The following PPRC1 variants were observed in gnomAD, a reference collection of about 807,000 sequenced individuals.
PPRC1 encodes PPARG related coactivator 1, also known as peroxisome proliferator-activated receptor gamma coactivator-related protein 1.
PPRC1 carries 23 observed loss-of-function variants against 132.5 expected under a neutral mutation model. That is an observed-to-expected ratio of 0.17 (90% CI 0.12 to 0.25). PPRC1 has a LOEUF of 0.25. Among genes scored for constraint, PPRC1 ranks in the 10% least tolerant of loss-of-function variants. The pLI, the probability that PPRC1 is intolerant of heterozygous loss-of-function variation, is 1.00. For missense variants in PPRC1, 2,006 were observed against 2,089.1 expected, an observed-to-expected ratio of 0.96 and a Z score of 0.78; for synonymous variants, 872 against 833.5, an observed-to-expected ratio of 1.05 and a Z score of -0.80.
Position 102,141,926 on chromosome 10 carries a change from C to G in PPRC1, c.3418C>G (p.Leu1140Val). 1 of 1,614,178 alleles carries G rather than the reference C, an allele frequency of 6.2e-7. No homozygotes were observed. Among genetic ancestry groups the G allele is most frequent in the Non-Finnish European group, 8.5e-7 (1 of 1,180,016 alleles). ...PKLPAVHPAR[L>V]RKLSFLPTPR... Reference sequence around the variant, plus strand: ...GCTGCCTGCTGTCCACCCAGCCCGTCTAAGGAAGCTGTCCTTCCTGCCTAC... The same window carrying G: ...GCTGCCTGCTGTCCACCCAGCCCGTGTAAGGAAGCTGTCCTTCCTGCCTAC... The change falls in exon 5 of 14, where the codon CTA (leucine) becomes GTA (valine). Residue 1140 changes from leucine (L) to valine (V), a missense_variant. By Grantham distance (32) the Leu-to-Val change is conservative (BLOSUM62 1). This residue lies in a region of PPRC1 where 1,914 missense variants were observed against 1,917.2 expected (regional missense o/e 1.00). Transcript: ENST00000278070.
chr10:102,120,636 G>T, the PPRC1 span, among the ~76,000 whole-genome samples: 9 of 152,182 alleles, frequency 5.9e-5, no homozygotes, highest in African/African-American at 2.2e-4. Flanking sequence ...GGGGCTGGGA[G>T]CGCTCGGGGA....
chr10:102,132,299 T>A (rs926792182), upstream of PPRC1, among the ~76,000 whole-genome samples: 1 of 152,210 alleles, frequency 6.6e-6, no homozygotes, highest in East Asian at 1.9e-4. Flanking sequence ...AAGTGGCAAA[T>A]GAATGAAGAG....
chr10:102,141,094 G>A lies in PPRC1; in HGVS notation c.2586G>A (p.Val862=). ...MPLLARPSPP[V]QSVSPAVPTP... ...TGTTGGCGAGACCTTCCCCTCCTGT[G>A]CAGTCTGTGTCCCCTGCTGTGCCCA... is the stretch of plus-strand genomic sequence containing the variant. The change falls in exon 5 of 14, where the codon GTG becomes GTA. Residue 862 remains valine (V), a synonymous_variant. Transcript: ENST00000278070. 1 of 1,614,074 alleles carries A rather than the reference G, an allele frequency of 6.2e-7. No homozygotes were observed.
rs2068917094 is a variant in PPRC1 at position 102,140,514 on chromosome 10, C to G, written c.2006C>G (p.Ala669Gly). The G allele has an allele frequency of 6.2e-7, 1 of 1,614,044 alleles. No homozygotes were observed. Among genetic ancestry groups the G allele is most frequent in the African/African-American group, 1.3e-5 (1 of 74,902 alleles). ...VPSGPAPVDL[A>G]LVDPVPNDLT... Reference sequence around the variant, plus strand: ...TCTGGCCCAGCACCAGTTGATCTAGCACTGGTTGACCCTGTTCCTAATGAC... The same window carrying G: ...TCTGGCCCAGCACCAGTTGATCTAGGACTGGTTGACCCTGTTCCTAATGAC... Residue 669 changes from alanine to glycine, a missense_variant, in exon 5 of 14, where the codon GCA (alanine) becomes GGA (glycine). This residue lies in a region of PPRC1 where 1,914 missense variants were observed against 1,917.2 expected (regional missense o/e 1.00). Coordinates refer to ENST00000278070, the MANE Select transcript of PPRC1 (RefSeq NM_015062.5).
At chr10:102,131,175 C>T (rs2068535165), upstream of PPRC1, among the ~76,000 whole-genome samples, 1 of 139,150 alleles carries the variant, frequency 7.2e-6, no homozygotes, top group African/African-American at 2.7e-5. Context: ...AGCCTGGTGA[C>T]AGAGTGACAC....
rs999530354 is a variant in PPRC1, at chr10:102,139,598, G to T, written c.1090G>T (p.Val364Leu). Residue 364 changes from valine to leucine, a missense_variant, in exon 5 of 14, where the codon GTG becomes TTG. Coordinates refer to ENST00000278070, the MANE Select transcript of PPRC1 (RefSeq NM_015062.5). ...TGGCGATGACCTGGAGATCCCAGTT[G>T]TGGTGCGACAGGTCTCTCCTGGACC... ...TAGDDLEIPV[V>L]VRQVSPGPRP... 1.9e-6 allele frequency: 3 copies of T among 1,613,876 alleles called. No homozygotes were observed. Among genetic ancestry groups the T allele is most frequent in the Non-Finnish European group, 2.5e-6 (3 of 1,179,994 alleles).
intron 9 of PPRC1, among the ~76,000 whole-genome samples, chr10:102,147,917 C>T (rs1222191295): frequency 6.6e-6 from 1 of 152,066 alleles, no homozygotes; most frequent in Non-Finnish European, 1.5e-5. Flanking sequence ...GTCTTCAGAA[C>T]TGGCCCATAC....
At chr10:102,126,161 T>C in the PPRC1 span, among the ~76,000 whole-genome samples, 14,132 of 152,106 alleles carry the variant, frequency 0.093, 908 homozygotes, top group African/African-American at 0.19. Flanking sequence ...CGCGCCCGGC[T>C]TGGCATCACT....
chr10:102,124,211 A>C, the PPRC1 span, among the ~76,000 whole-genome samples: 1 of 151,694 alleles, frequency 6.6e-6, no homozygotes, highest in Admixed American at 6.6e-5. Flanking sequence ...GATTACAGGC[A>C]CCACCACCAC....
At chr10:102,126,004 A>C in the PPRC1 span, among the ~76,000 whole-genome samples, 1 of 152,008 alleles carries the variant, frequency 6.6e-6, no homozygotes, top group Non-Finnish European at 1.5e-5. Context: ...CTGGGACTAC[A>C]GGCATGCACC....
intron 13 of PPRC1, among the ~76,000 whole-genome samples, 193 bp from the exon 14 acceptor site, chr10:102,149,729 CAAAA>C (rs34550400): frequency 7.2e-5 from 8 of 110,606 alleles, no homozygotes; most frequent in African/African-American, 9.4e-5. Flanking sequence ...GAGACTGTCT[CAAAA>C]AAAAAAAAAA....
Position 102,148,313 on chromosome 10 carries a change from G to A in PPRC1, c.4401-59G>A. The A allele has an allele frequency of 6.4e-7, 1 of 1,574,184 alleles. No homozygotes were observed. On this transcript the variant is annotated intron_variant, in intron 9 of 13. Coordinates refer to ENST00000278070, the MANE Select transcript of PPRC1 (RefSeq NM_015062.5). This position sits in a 1 kb window ranked among gnomAD's most constrained non-coding sequence, Gnocchi z 4.2. ...AAAGGCAGGACTGGGGCCTGGGTGA[G>A]ATAAGCAGAGTATACCTGAACCACT...
At position 102,140,292 on chromosome 10, in the gene PPRC1, C is replaced by T. The variant is rs1185716415; in HGVS notation, c.1784C>T (p.Thr595Ile). Residue 595 changes from threonine (T) to isoleucine (I), a missense_variant, in exon 5 of 14, where the codon ACT becomes ATT. Transcript: ENST00000278070. ...MPVDSVEADPTAVGPVLAGPV... is the reference protein window; with the variant it reads ...MPVDSVEADPIAVGPVLAGPV... ...GTTGACTCTGTTGAAGCTGATCCCA[C>T]TGCAGTTGGCCCTGTTCTAGCTGGC... The T allele has an allele frequency of 1.2e-6, 2 of 1,614,262 alleles. No individual in the cohort carries two copies. Among genetic ancestry groups the T allele is most frequent in the Admixed American group, 1.7e-5 (1 of 60,032 alleles).
In PPRC1 at chr10:102,139,412, A is replaced by G. The variant is rs193920990; in HGVS notation, c.904A>G (p.Ile302Val). The G allele has an allele frequency of 5.0e-6, 8 of 1,614,126 alleles. No individual in the cohort carries two copies. In the African/African-American group the frequency reaches 9.3e-5, roughly 19 times the overall value. ...MAVPAAGDES[I>V]SSLSELVRAM... ...AGTGCCAGCAGCTGGTGATGAGAGCATCTCCTCCCTGAGTGAGCTGGTGCG... is the reference window on the plus strand; with the variant it reads ...AGTGCCAGCAGCTGGTGATGAGAGCGTCTCCTCCCTGAGTGAGCTGGTGCG... Residue 302 changes from isoleucine (I) to valine (V), a missense_variant, in exon 5 of 14, where the codon ATC (isoleucine) becomes GTC (valine). This residue lies in a region of PPRC1 where 1,914 missense variants were observed against 1,917.2 expected (regional missense o/e 1.00). Coordinates refer to ENST00000278070, the MANE Select transcript of PPRC1 (RefSeq NM_015062.5).
At position 102,142,675 on chromosome 10, in the gene PPRC1, A is replaced by G. The variant is rs555163574; in HGVS notation, c.3497-370A>G. On this transcript the variant is annotated intron_variant, in intron 5 of 13. Coordinates refer to ENST00000278070, the MANE Select transcript of PPRC1 (RefSeq NM_015062.5). ...GTGATCCGCCTGCCTCAGCCTCCCA[A>G]AGTGCTGGGATTACAGGTGTAAGCC... Among the ~76,000 whole-genome samples the G allele has an allele frequency of 5.9e-5, 9 of 151,950 alleles. No individual in the cohort carries two copies. In the East Asian group the frequency reaches 1.4e-3, roughly 23 times the overall value.
upstream of PPRC1, chr10:102,133,015 G>A: frequency 8.1e-7 from 1 of 1,236,814 alleles, no homozygotes. Flanking sequence ...CCCACAATCG[G>A]CTGGGCGAGG....
At chr10:102,147,425 T>C in intron 9 of PPRC1, 33 bp downstream of exon 9, 1 of 1,562,610 alleles carries the variant, frequency 6.4e-7, no homozygotes, top group Non-Finnish European at 8.6e-7. Context: ...GTCCTCTCCA[T>C]TTAGGAAGTT....
chr10:102,142,844 G>T (rs1383743316), intron 5 of PPRC1: 3 of 464,348 alleles, frequency 6.5e-6, no homozygotes, highest in Non-Finnish European at 1.2e-5. Context: ...GTGCCACCGT[G>T]CCTGGCTGTG....
chr10:102,120,446 C>A, the PPRC1 span: 5 of 964,760 alleles, frequency 5.2e-6, no homozygotes, highest in South Asian at 1.9e-4. Flanking sequence ...CCCCCCTCTC[C>A]GCCCTCGCGC....
Sources: gnomAD v4.1 joint callset for allele counts (sites outside exome capture counted in the v4.1 genomes callset) on GRCh38, gnomAD v4.1.1 for gene constraint, gnomAD v4.1.1 regional missense constraint, Gnocchi (gnomAD v3.1) non-coding constraint, MANE v1.5 for transcripts, NCBI Gene and HGNC (gene_info 2026-07-23, HGNC 2026-07-21) for gene names.